PDE10A: variants seen among roughly 807,000 people sequenced by gnomAD.
PDE10A encodes the protein cAMP and cAMP-inhibited cGMP 3',5'-cyclic phosphodiesterase 10A.
Under a neutral mutation model 97.7 loss-of-function variants are expected in PDE10A, and 39 were observed. That is an observed-to-expected ratio of 0.40 (90% CI 0.31 to 0.52). The LOEUF (loss-of-function observed/expected upper bound fraction) is 0.52, where lower values mean the gene tolerates loss of function less well. Among genes scored for constraint, PDE10A ranks in the 20% least tolerant of loss-of-function variants. The probability of loss-of-function intolerance (pLI) is 0.56; values close to 1 mark genes in which losing one functional copy is unlikely to be tolerated. For missense variants in PDE10A, 731 were observed against 1,047.8 expected, an observed-to-expected ratio of 0.70 and a Z score of 4.17; for synonymous variants, 371 against 376.8, an observed-to-expected ratio of 0.98 and a Z score of 0.18.
intron 1 of PDE10A, among the ~76,000 whole-genome samples, chr6:165,600,183 G>T (rs941422718): frequency 2.6e-5 from 4 of 152,176 alleles, no homozygotes; most frequent in Admixed American, 6.5e-5. Context: ...CCTCCTCCGA[G>T]GATCCCACAA....
chr6:165,524,928 T>C (rs1166230349), intron 2 of PDE10A, among the ~76,000 whole-genome samples: 1 of 152,080 alleles, frequency 6.6e-6, no homozygotes, highest in African/African-American at 2.4e-5. Flanking sequence ...AGCTTCCCCA[T>C]CCCCAGTGGT....
intron 1 of PDE10A, among the ~76,000 whole-genome samples, chr6:165,863,029 C>T (rs1044806798): frequency 3.9e-5 from 6 of 152,166 alleles, no homozygotes; most frequent in African/African-American, 1.4e-4. Flanking sequence ...TTGGAGTAAC[C>T]CTGAATAATC....
intron 5 of PDE10A, among the ~76,000 whole-genome samples, chr6:165,439,015 G>A (rs1008853620): frequency 6.7e-6 from 1 of 150,298 alleles, no homozygotes; most frequent in Admixed American, 6.6e-5. Flanking sequence ...GTATCTACAT[G>A]AAGGCATTAA....
chr6:165,614,785 G>T (rs1300860959), intron 1 of PDE10A, among the ~76,000 whole-genome samples: 1 of 151,604 alleles, frequency 6.6e-6, no homozygotes, highest in Non-Finnish European at 1.5e-5. Context: ...TCCTCAGACA[G>T]TCTCACTGAC....
chr6:165,726,382 T>C (rs1792294531), intron 1 of PDE10A, among the ~76,000 whole-genome samples: 2 of 152,202 alleles, frequency 1.3e-5, no homozygotes, highest in Admixed American at 1.3e-4. Flanking sequence ...AAAAGAATTA[T>C]CCTCAACATT....
At chr6:165,544,343 T>C (rs1306776159) in intron 1 of PDE10A, among the ~76,000 whole-genome samples, 1 of 152,206 alleles carries the variant, frequency 6.6e-6, no homozygotes, top group Non-Finnish European at 1.5e-5. Flanking sequence ...CAATGATAAG[T>C]ACTGAATATA....
intron 1 of PDE10A, 161 bp from the exon 2 acceptor site, chr6:165,543,729 A>G: frequency 1.9e-6 from 1 of 529,900 alleles, no homozygotes; most frequent in South Asian, 3.0e-5. Context: ...TAGTGGGTAC[A>G]GAGTTTCTAC....
intron 18 of PDE10A, among the ~76,000 whole-genome samples, chr6:165,367,093 C>T (rs9459385): frequency 0.012 from 1,892 of 151,876 alleles, 40 homozygotes; most frequent in African/African-American, 0.043. Context: ...TGTACAGATA[C>T]GCTAAAGAAT....
chr6:165,933,501 C>A (rs922393497), intron 1 of PDE10A, among the ~76,000 whole-genome samples: 1 of 152,058 alleles, frequency 6.6e-6, no homozygotes, highest in Non-Finnish European at 1.5e-5. Context: ...AAATATATGC[C>A]CACTTCTAAG....
At chr6:165,878,868 C>T (rs746182938) in intron 1 of PDE10A, among the ~76,000 whole-genome samples, 14 of 152,124 alleles carry the variant, frequency 9.2e-5, no homozygotes, top group Non-Finnish European at 2.1e-4. Context: ...AAGGCAGCCT[C>T]GAGAAGTAGA....
intron 1 of PDE10A, among the ~76,000 whole-genome samples, chr6:165,951,777 C>T (rs1783970332): frequency 6.6e-6 from 1 of 152,224 alleles, no homozygotes; most frequent in South Asian, 2.1e-4. Context: ...GGTGCGGGCA[C>T]ATCTTCTCCA....
At chr6:165,373,855 G>A (rs1291880539) in intron 18 of PDE10A, among the ~76,000 whole-genome samples, 1 of 151,612 alleles carries the variant, frequency 6.6e-6, no homozygotes, top group Non-Finnish European at 1.5e-5. Context: ...TGATAGACTG[G>A]ATTAAGAAAA....
intron 1 of PDE10A, among the ~76,000 whole-genome samples, chr6:165,932,660 C>T (rs673181): frequency 0.099 from 15,022 of 152,176 alleles, 1,006 homozygotes; most frequent in African/African-American, 0.18. Context: ...TTAGTAGAGA[C>T]GGTGTTTCAC....
At chr6:165,393,653 G>A (rs1344522522) in intron 15 of PDE10A, among the ~76,000 whole-genome samples, 1 of 152,080 alleles carries the variant, frequency 6.6e-6, no homozygotes, top group African/African-American at 2.4e-5. Context: ...AGAATTAACT[G>A]GAGTTAGGTA....
chr6:165,829,133 G>C (rs1293521256), intron 1 of PDE10A, among the ~76,000 whole-genome samples: 2 of 152,152 alleles, frequency 1.3e-5, no homozygotes, highest in African/African-American at 4.8e-5. Context: ...CAGGCTGCTG[G>C]GGTGCTCCCA....
At chr6:165,874,771 A>T (rs2128479308) in intron 1 of PDE10A, among the ~76,000 whole-genome samples, 1 of 152,350 alleles carries the variant, frequency 6.6e-6, no homozygotes. Context: ...AATGTGTCCC[A>T]TATCCAGTAT....
intron 1 of PDE10A, among the ~76,000 whole-genome samples, chr6:165,843,996 G>C (rs1038605003): frequency 1.3e-5 from 2 of 152,190 alleles, no homozygotes; most frequent in African/African-American, 4.8e-5. Flanking sequence ...GCACGGCACA[G>C]GTTCCGAAAT....
intron 1 of PDE10A, among the ~76,000 whole-genome samples, chr6:165,758,630 G>C (rs1020761038): frequency 1.3e-5 from 2 of 151,154 alleles, no homozygotes; most frequent in African/African-American, 4.9e-5. Context: ...AGAAGAGGAA[G>C]AAGAAGAGGA....
At chr6:165,525,079 C>A (rs1366751594) in intron 2 of PDE10A, among the ~76,000 whole-genome samples, 2 of 152,080 alleles carry the variant, frequency 1.3e-5, no homozygotes, top group Admixed American at 6.6e-5. Flanking sequence ...TCCTCAGGAG[C>A]CACCCCCAAT....
Sources: allele counts gnomAD v4.1 joint callset (sites outside exome capture counted in the v4.1 genomes callset), GRCh38; gene constraint gnomAD v4.1.1; transcripts MANE v1.5; gene names NCBI Gene and HGNC (gene_info 2026-07-23, HGNC 2026-07-21).